The following CTNNA1 variants were observed in gnomAD, a reference collection of about 807,000 sequenced individuals.
CTNNA1 encodes the protein catenin alpha-1.
Under a neutral mutation model 98.4 loss-of-function variants are expected in CTNNA1, and 37 were observed. The ratio of observed to expected loss-of-function variants is 0.38; its 90% CI spans 0.29 to 0.49. The LOEUF (loss-of-function observed/expected upper bound fraction) is 0.49, where lower values mean the gene tolerates loss of function less well. Ranked by LOEUF, CTNNA1 falls within the 20% of genes least tolerant of loss-of-function variation. The pLI, the probability that CTNNA1 is intolerant of heterozygous loss-of-function variation, is 0.95. For synonymous variants in CTNNA1, 404 were observed against 413.2 expected (o/e 0.98, Z 0.27); for missense variants, 761 against 1,147.2 (o/e 0.66, Z 4.86).
intron 14 of CTNNA1, 95 bp downstream of exon 14, chr5:138,929,451 AC>A (rs1217178916): frequency 4.5e-6 from 3 of 668,316 alleles, no homozygotes; most frequent in Non-Finnish European, 8.1e-6. Flanking sequence ...TATTCAGAAC[AC>A]CGTTTCTCTC....
chr5:138,798,022 T>G (rs1459601099), intron 3 of CTNNA1, among the ~76,000 whole-genome samples: 3 of 152,192 alleles, frequency 2.0e-5, no homozygotes, highest in Non-Finnish European at 1.5e-5. Flanking sequence ...CCCCTCATCC[T>G]TTACAGCTTC....
chr5:138,858,414 C>T (rs1243939561), intron 7 of CTNNA1, among the ~76,000 whole-genome samples: 1 of 151,924 alleles, frequency 6.6e-6, no homozygotes, highest in East Asian at 1.9e-4. Context: ...GGTATGAGCT[C>T]CTGCGCCTGT....
intron 11 of CTNNA1, among the ~76,000 whole-genome samples, chr5:138,920,897 G>A (rs1283773217): frequency 1.3e-5 from 2 of 152,108 alleles, no homozygotes; most frequent in Non-Finnish European, 2.9e-5. Flanking sequence ...TGGTCATCTT[G>A]TGTATAACCT....
chr5:138,900,017 T>C (rs1215991086), intron 9 of CTNNA1, among the ~76,000 whole-genome samples: 1 of 152,214 alleles, frequency 6.6e-6, no homozygotes, highest in Admixed American at 6.5e-5. Context: ...CACCTTTCCC[T>C]GGAAATTGGA....
At chr5:138,868,239 T>G (rs572303520) in intron 7 of CTNNA1, among the ~76,000 whole-genome samples, 4 of 152,360 alleles carry the variant, frequency 2.6e-5, no homozygotes, top group South Asian at 2.1e-4. Context: ...TAAAAATTTT[T>G]GGGAAGTCAA....
At chr5:138,920,133 C>T (rs1044673896) in intron 11 of CTNNA1, among the ~76,000 whole-genome samples, 1 of 151,996 alleles carries the variant, frequency 6.6e-6, no homozygotes, top group African/African-American at 2.4e-5. Flanking sequence ...TGCTTGCCAC[C>T]ATGCCTGGCT....
chr5:138,818,012 C>T (rs1216207962), intron 5 of CTNNA1, among the ~76,000 whole-genome samples: 5 of 152,062 alleles, frequency 3.3e-5, no homozygotes, highest in African/African-American at 1.2e-4. Context: ...TTAGCCCCGT[C>T]CCTGCGCCCC....
chr5:138,790,697 T>C (rs952012349), intron 3 of CTNNA1, among the ~76,000 whole-genome samples: 27 of 152,174 alleles, frequency 1.8e-4, no homozygotes, highest in African/African-American at 6.5e-4. Flanking sequence ...TACCTTGGAG[T>C]AGAAAATCAA....
intron 7 of CTNNA1, among the ~76,000 whole-genome samples, chr5:138,864,943 A>G (rs1764608401): frequency 1.3e-5 from 2 of 151,832 alleles, no homozygotes; most frequent in Admixed American, 6.6e-5. Flanking sequence ...CCTCCCGAGA[A>G]GCTGGGATTA....
chr5:138,825,482 G>GTTTTTTTTTTTTTTTTTTTTTTT lies in CTNNA1; in HGVS notation c.858+699_858+700insTTTTTTTTTTTTTTTTTTTTTTT, dbSNP rs756586452. On this transcript the variant is annotated intron_variant, in intron 6 of 17. Coordinates refer to ENST00000302763, the MANE Select transcript of CTNNA1 (RefSeq NM_001903.5). The stretch of plus-strand genomic sequence containing the variant: ...CTTCCAGTAGATGGCAGCAGTATAA[G>GTTTTTTTTTTTTTTTTTTTTTTT]TTTTTTTTTTTTTTTTAGGGCTTTA... 2.6e-4 allele frequency among the ~76,000 whole-genome samples: 19 copies of GTTTTTTTTTTTTTTTTTTTTTTT among 74,110 alleles called. 3 individuals are homozygous for GTTTTTTTTTTTTTTTTTTTTTTT. The highest frequency in any genetic ancestry group is 1.7e-3 in the East Asian group (3 of 1,784). 48.6% of individuals were successfully genotyped at this position (74,110 alleles called of 152,430 possible). A position where few individuals can be genotyped will look rare whatever the true frequency, so the allele number is the denominator to read the frequency against.
intron 7 of CTNNA1, among the ~76,000 whole-genome samples, chr5:138,834,597 C>T (rs1581204893): frequency 6.6e-6 from 1 of 152,208 alleles, no homozygotes; most frequent in East Asian, 1.9e-4. Context: ...GTACATCGTC[C>T]CAAGTTAACA....
At chr5:138,790,350 A>G (rs1187994623) in intron 3 of CTNNA1, among the ~76,000 whole-genome samples, 1 of 152,262 alleles carries the variant, frequency 6.6e-6, no homozygotes, top group African/African-American at 2.4e-5. Flanking sequence ...TGTGCTGCTA[A>G]GAACCTGTGT....
chr5:138,911,205 C>T (rs1046755216), intron 10 of CTNNA1, among the ~76,000 whole-genome samples: 2 of 152,146 alleles, frequency 1.3e-5, no homozygotes, highest in African/African-American at 4.8e-5. Flanking sequence ...CCCTGCACTC[C>T]AGCCTGGGTG....
chr5:138,771,156 G>A (rs1561506508), intron 1 of CTNNA1, among the ~76,000 whole-genome samples: 1 of 151,266 alleles, frequency 6.6e-6, no homozygotes, highest in Non-Finnish European at 1.5e-5. Context: ...CTGGGATAGT[G>A]ACTATACAAA....
At chr5:138,932,260 A>T in intron 16 of CTNNA1, 1 of 1,133,202 alleles carries the variant, frequency 8.8e-7, no homozygotes, top group East Asian at 5.4e-5. Context: ...GTTTGGGGTG[A>T]GGGGATCCTT....
chr5:138,880,816 A>G, intron 7 of CTNNA1: 1 of 320,304 alleles, frequency 3.1e-6, no homozygotes, highest in Non-Finnish European at 6.2e-6. Flanking sequence ...TTAAGGGGTT[A>G]GTTTGCATGT....
chr5:138,832,480 G>GA (rs1561573692), intron 7 of CTNNA1, among the ~76,000 whole-genome samples: 1 of 152,166 alleles, frequency 6.6e-6, no homozygotes, highest in Admixed American at 6.5e-5. Context: ...CTGTGAGAGA[G>GA]AAAAACAGCT....
rs539634998 is a variant in CTNNA1 at position 138,840,626 on chromosome 5, T to C, written c.1062+12908T>C. Among the ~76,000 whole-genome samples, 4 of 152,328 alleles carry C rather than the reference T, an allele frequency of 2.6e-5. No homozygotes were observed. The East Asian group carries it at 7.7e-4, about 29-fold the overall frequency. On this transcript the variant is annotated intron_variant, in intron 7 of 17. Coordinates refer to ENST00000302763, the MANE Select transcript of CTNNA1 (RefSeq NM_001903.5). ...TTTAAATGTAGCCAATTAATAGTTG[T>C]GGGAGGCCACCTATTTAGTTTAGAA...
intron 7 of CTNNA1, among the ~76,000 whole-genome samples, chr5:138,843,424 C>G (rs1002202338): frequency 6.6e-6 from 1 of 152,074 alleles, no homozygotes; most frequent in East Asian, 1.9e-4. Context: ...GTACACCCTT[C>G]GGAGGGCATT....
Sources: gnomAD v4.1 joint callset for allele counts (sites outside exome capture counted in the v4.1 genomes callset) on GRCh38, gnomAD v4.1.1 for gene constraint, MANE v1.5 for transcripts, NCBI Gene and HGNC (gene_info 2026-07-23, HGNC 2026-07-21) for gene names.